Variants in AKAP9 observed in about 807,000 individuals in gnomAD.
AKAP9 encodes the protein A-kinase anchoring protein 9.
In AKAP9, 311 loss-of-function variants were observed where a neutral mutation model predicts 488.5. That is an observed-to-expected ratio of 0.64 (90% CI 0.58 to 0.70). The LOEUF (loss-of-function observed/expected upper bound fraction) is 0.70. Among genes scored for constraint, AKAP9 ranks in the 30% least tolerant of loss-of-function variants. AKAP9 has a pLI of 0.00. For missense variants in AKAP9, 4,215 were observed against 4,374.5 expected (o/e 0.96, Z 1.03); for synonymous variants, 1,462 against 1,483.5 (o/e 0.99, Z 0.33).
chr7:91,946,051 A>G (rs1306236606), intron 1 of AKAP9, among the ~76,000 whole-genome samples: 1 of 152,204 alleles, frequency 6.6e-6, no homozygotes, highest in Non-Finnish European at 1.5e-5. Flanking sequence ...TTTAACAAAC[A>G]TTTTCAGTGT....
rs767204829 is a variant in AKAP9, at chr7:92,003,157, G to T, written c.3240G>T (p.Lys1080Asn). Residue 1080 changes from lysine to asparagine, a missense_variant, in exon 8 of 50, where the codon AAG (lysine) becomes AAT (asparagine). Physicochemically the swap from Lys to Asn is moderately conservative, Grantham distance 94. Coordinates refer to ENST00000356239, the MANE Select transcript of AKAP9 (RefSeq NM_005751.5). ...LILDHLPSVTKESSLRATQPS... is the reference protein window; with the variant it reads ...LILDHLPSVTNESSLRATQPS... ...TGGATCACTTACCATCTGTAACAAA[G>T]GAATCATCACTTAGAGCAACTCAAC... is the stretch of plus-strand genomic sequence containing the variant. 3.7e-6 allele frequency: 6 copies of T among 1,610,972 alleles called. No homozygotes were observed. The Admixed American group carries it at 1.0e-4, about 27-fold the overall frequency.
intron 1 of AKAP9, among the ~76,000 whole-genome samples, chr7:91,948,108 G>T (rs1791695454): frequency 6.6e-6 from 1 of 152,254 alleles, no homozygotes; most frequent in South Asian, 2.1e-4. Context: ...CCATTTTGCT[G>T]CATATATCAG....
chr7:91,942,190 C>T (rs1790845958), intron 1 of AKAP9, among the ~76,000 whole-genome samples: 1 of 152,122 alleles, frequency 6.6e-6, no homozygotes, highest in East Asian at 1.9e-4. Flanking sequence ...TGTTTTTCCT[C>T]TCTTCCTTTC....
chr7:92,091,577 C>A (rs1226783784), intron 38 of AKAP9, among the ~76,000 whole-genome samples: 2 of 123,452 alleles, frequency 1.6e-5, no homozygotes, highest in Non-Finnish European at 1.6e-5. Flanking sequence ...CAGGGCAAGA[C>A]TCTGTCTCAA....
chr7:92,024,451 A>G (rs1470340213), intron 14 of AKAP9, among the ~76,000 whole-genome samples: 1 of 149,512 alleles, frequency 6.7e-6, no homozygotes, highest in Non-Finnish European at 1.5e-5. Context: ...ATATATATAT[A>G]TATTATATAT....
At chr7:92,078,023 A>G (rs916340754) in intron 30 of AKAP9, 148 bp downstream of exon 30, 19 of 516,862 alleles carry the variant, frequency 3.7e-5, no homozygotes, top group Non-Finnish European at 5.5e-5. Flanking sequence ...TTGAGACAGA[A>G]TCTCGCTCTG....
Position 92,062,303 on chromosome 7 carries a change from ACT to A in AKAP9, c.5797_5798del (p.Leu1933PhefsTer2), listed in dbSNP as rs753205069. 6.2e-7 allele frequency: 1 copy of A among 1,613,372 alleles called. No individual in the cohort carries two copies. Among genetic ancestry groups the A allele is most frequent in the South Asian group, 1.1e-5 (1 of 91,052 alleles). Reference sequence around the variant, plus strand: ...CATTGATGGCTATGCAGATGAAAAAACTCTTTTTGAAAGGCAAATTCAGGAAA... The same window carrying A: ...CATTGATGGCTATGCAGATGAAAAAACTTTTTGAAAGGCAAATTCAGGAAA... ...GVIDGYADEK[T>X]LFERQIQEKT... On this transcript the variant is annotated frameshift_variant, in exon 24 of 50. Coordinates refer to ENST00000356239, the MANE Select transcript of AKAP9 (RefSeq NM_005751.5). LOFTEE classifies it high-confidence loss of function.
In AKAP9 at chr7:91,992,146, G is replaced by A. The variant is rs761240315; in HGVS notation, c.352-12G>A. On this transcript the variant is annotated splice_polypyrimidine_tract_variant and intron_variant, in intron 3 of 49. Coordinates refer to ENST00000356239, the MANE Select transcript of AKAP9 (RefSeq NM_005751.5). Reference sequence around the variant, plus strand: ...TAAGATCATAATATATCAGGAAATTGTTTTTATACAGGTAAATGGTTGCAG... The same window carrying A: ...TAAGATCATAATATATCAGGAAATTATTTTTATACAGGTAAATGGTTGCAG... The A allele has an allele frequency of 1.9e-6, 3 of 1,595,434 alleles. No individual in the cohort carries two copies. The highest frequency in any genetic ancestry group is 2.6e-6 in the Non-Finnish European group (3 of 1,163,316).
rs777603874 is a variant in AKAP9, at chr7:92,001,119, T to C, written c.1202T>C (p.Val401Ala). Residue 401 changes from valine to alanine, a missense_variant, in exon 8 of 50, where the codon GTC (valine) becomes GCC (alanine). By Grantham distance (64) the Val-to-Ala change is moderately conservative. Transcript: ENST00000356239. ...SEEIKQLMGTVEELQKRNHKD... is the reference protein window; with the variant it reads ...SEEIKQLMGTAEELQKRNHKD... ...GAAATAAAACAGTTAATGGGGACAG[T>C]CGAAGAACTTCAGAAGAGAAATCAT... 1 of 1,613,934 alleles carries C rather than the reference T, an allele frequency of 6.2e-7. No homozygotes were observed. The highest frequency in any genetic ancestry group is 8.5e-7 in the Non-Finnish European group (1 of 1,179,948).
chr7:91,963,322 TATA>T (rs1220758065), intron 1 of AKAP9, among the ~76,000 whole-genome samples: 1 of 152,174 alleles, frequency 6.6e-6, no homozygotes, highest in African/African-American at 2.4e-5. Flanking sequence ...AAAATTTAAA[TATA>T]ATTTATTTTT....
chr7:92,080,337 G>A (rs1371311973), intron 31 of AKAP9, among the ~76,000 whole-genome samples, 185 bp downstream of exon 31: 2 of 152,258 alleles, frequency 1.3e-5, no homozygotes, highest in African/African-American at 2.4e-5. Context: ...GGTGGCCCAC[G>A]CCTGTAATCC....
At chr7:92,035,520 A>G (rs1805046122) in intron 16 of AKAP9, among the ~76,000 whole-genome samples, 1 of 152,202 alleles carries the variant, frequency 6.6e-6, no homozygotes, top group Non-Finnish European at 1.5e-5. Flanking sequence ...AATGAGTTCA[A>G]CATACAACGA....
Position 92,001,557 on chromosome 7 carries a change from C to T in AKAP9, c.1640C>T (p.Ala547Val). ...TTTTCAAGGGAACAGATTCAGAGAG[C>T]TAGACAGACAATAGCTGAACAAGAA... Reference protein sequence around the residue: ...LSFSREQIQRARQTIAEQESK... With the variant: ...LSFSREQIQRVRQTIAEQESK... The change falls in exon 8 of 50, where the codon GCT (alanine) becomes GTT (valine). Residue 547 changes from alanine (A) to valine (V), a missense_variant. Physicochemically the swap from Ala to Val is moderately conservative, Grantham distance 64 (BLOSUM62 0). Coordinates refer to ENST00000356239, the MANE Select transcript of AKAP9 (RefSeq NM_005751.5). The T allele has an allele frequency of 1.2e-6, 2 of 1,613,816 alleles. No homozygotes were observed. The highest frequency in any genetic ancestry group is 1.7e-6 in the Non-Finnish European group (2 of 1,179,838).
intron 3 of AKAP9, among the ~76,000 whole-genome samples, chr7:91,986,620 GTTAA>G (rs1026709468): frequency 1.3e-5 from 2 of 152,148 alleles, no homozygotes; most frequent in Admixed American, 6.5e-5. Context: ...GTAGGAAAAT[GTTAA>G]TTAATAGTAT....
chr7:91,958,926 C>A (rs552156199), intron 1 of AKAP9, among the ~76,000 whole-genome samples: 133 of 151,894 alleles, frequency 8.8e-4, no homozygotes, highest in African/African-American at 3.2e-3. Context: ...ACTCTGTCAC[C>A]CAGGCTGGAA....
At chr7:92,009,221 G>A (rs1181732742) in intron 8 of AKAP9, among the ~76,000 whole-genome samples, 1 of 152,048 alleles carries the variant, frequency 6.6e-6, no homozygotes, top group African/African-American at 2.4e-5. Flanking sequence ...ACTTCAGCCT[G>A]GGTGACAGAG....
Position 92,066,481 on chromosome 7 carries a change from A to G in AKAP9, c.6265A>G (p.Lys2089Glu). ...ERDVFQQEIQ[K>E]LEQQLKVVPR... ...AGATGTATTCCAACAGGAAATACAGAAACTAGAACAGCAACTTAAGGTTGT... is the reference window on the plus strand; with the variant it reads ...AGATGTATTCCAACAGGAAATACAGGAACTAGAACAGCAACTTAAGGTTGT... The change falls in exon 26 of 50, where the codon AAA becomes GAA. Residue 2089 changes from lysine (K) to glutamate (E), a missense_variant. By Grantham distance (56) the Lys-to-Glu change is moderately conservative. Around this residue, in one of 5 missense-constraint regions of AKAP9, gnomAD observed 2,361 missense variants for 2,430.0 expected, o/e 0.97. Transcript: ENST00000356239. 6.2e-7 allele frequency: 1 copy of G among 1,613,544 alleles called. No individual in the cohort carries two copies. Among genetic ancestry groups the G allele is most frequent in the African/African-American group, 1.3e-5 (1 of 75,024 alleles).
chr7:92,052,145 G>T (rs1426133593), intron 21 of AKAP9, among the ~76,000 whole-genome samples: 1 of 152,180 alleles, frequency 6.6e-6, no homozygotes, highest in Non-Finnish European at 1.5e-5. Flanking sequence ...CAAAGCAGAT[G>T]ATATTGCCCA....
intron 14 of AKAP9, among the ~76,000 whole-genome samples, chr7:92,027,223 T>TGAG (rs1414879101): frequency 1.5e-4 from 14 of 92,264 alleles, no homozygotes; most frequent in South Asian, 4.0e-4. Flanking sequence ...GTCTGGGAGG[T>TGAG]GAGCGCCTCT....
Sources: allele counts gnomAD v4.1 joint callset (sites outside exome capture counted in the v4.1 genomes callset), GRCh38; gene constraint gnomAD v4.1.1; regional missense constraint gnomAD v4.1.1; transcripts MANE v1.5; gene names NCBI Gene and HGNC (gene_info 2026-07-23, HGNC 2026-07-21).